The following TP53BP1 variants were observed in gnomAD, a reference collection of about 807,000 sequenced individuals.
TP53BP1 encodes the protein TP53-binding protein 1.
TP53BP1 carries 61 observed loss-of-function variants against 200.8 expected under a neutral mutation model. That is an observed-to-expected ratio of 0.30 (90% confidence interval 0.25 to 0.38). The LOEUF is 0.38. TP53BP1 is among the 10% of genes least tolerant of loss of function. The pLI, the probability that TP53BP1 is intolerant of heterozygous loss-of-function variation, is 1.00. For missense variants in TP53BP1, 2,144 were observed against 2,371.9 expected (o/e 0.90, Z 2.00); for synonymous variants, 822 against 844.3 (o/e 0.97, Z 0.46).
intron 4 of TP53BP1, among the ~76,000 whole-genome samples, chr15:43,484,895 C>T (rs1258663006): frequency 2.0e-5 from 3 of 152,018 alleles, no homozygotes; most frequent in African/African-American, 7.2e-5. Context: ...GGATCACAGG[C>T]GCACACTACC....
chr15:43,440,952 T>TGG (rs2045912913), intron 15 of TP53BP1, among the ~76,000 whole-genome samples: 1 of 152,148 alleles, frequency 6.6e-6, no homozygotes, highest in Non-Finnish European at 1.5e-5. Context: ...CTATTAGCGT[T>TGG]TTCAGGCTGG....
At chr15:43,428,542 G>A (rs1046670309) in intron 17 of TP53BP1, among the ~76,000 whole-genome samples, 4 of 152,078 alleles carry the variant, frequency 2.6e-5, no homozygotes, top group Admixed American at 6.5e-5. Context: ...GTTTACATTT[G>A]CAATAGCTCT....
chr15:43,455,910 A>G lies in TP53BP1; in HGVS notation c.2698T>C (p.Phe900Leu). Residue 900 changes from phenylalanine to leucine, a missense_variant, in exon 12 of 28, where the codon TTC becomes CTC. Around this residue, in one of 4 missense-constraint regions of TP53BP1, gnomAD observed 1,700 missense variants for 1,710.3 expected, o/e 0.99. Transcript: ENST00000382044. ...CACTCACCACTAGAACTTTCACAGA[A>G]GCTTTGTGAGGCATGGGCAGAGGGC... ...GKPSAHASQSFCESSSETPFH... is the reference protein window; with the variant it reads ...GKPSAHASQSLCESSSETPFH... The G allele has an allele frequency of 6.2e-7, 1 of 1,614,108 alleles. No homozygotes were observed. Among genetic ancestry groups the G allele is most frequent in the Non-Finnish European group, 8.5e-7 (1 of 1,180,012 alleles).
chr15:43,469,934 G>A lies in TP53BP1; in HGVS notation c.1313C>T (p.Ser438Leu), dbSNP rs912955314. The A allele has an allele frequency of 1.2e-6, 2 of 1,614,096 alleles. No homozygotes were observed. Among genetic ancestry groups the A allele is most frequent in the Middle Eastern group, 1.7e-4 (1 of 6,040 alleles). The stretch of plus-strand genomic sequence containing the variant: ...TGGTGTGCTCTGAGATATTGGTGTT[G>A]AGGCTTGTGGTGATACAGTGGACTC... ...LPESTVSPQA[S>L]TPISQSTPVF... Residue 438 changes from serine (S) to leucine (L), a missense_variant, in exon 11 of 28, where the codon TCA (serine) becomes TTA (leucine). By Grantham distance (145) the Ser-to-Leu change is moderately radical. Around this residue, in one of 4 missense-constraint regions of TP53BP1, gnomAD observed 1,700 missense variants for 1,710.3 expected, o/e 0.99. Coordinates refer to ENST00000382044, the MANE Select transcript of TP53BP1 (RefSeq NM_001141980.3).
At chr15:43,408,810 A>T in intron 26 of TP53BP1, 87 bp downstream of exon 26, 2 of 1,335,530 alleles carry the variant, frequency 1.5e-6, no homozygotes, top group Non-Finnish European at 2.1e-6. Flanking sequence ...ATTTCTAGAA[A>T]GCTTTACTCT....
chr15:43,499,708 C>A (rs1051074255), intron 1 of TP53BP1, among the ~76,000 whole-genome samples: 3 of 152,112 alleles, frequency 2.0e-5, no homozygotes, highest in African/African-American at 7.2e-5. Context: ...GTCAGAAAAC[C>A]CATAAAACTG....
chr15:43,502,688 T>C (rs1251262278), intron 1 of TP53BP1, among the ~76,000 whole-genome samples: 3 of 151,702 alleles, frequency 2.0e-5, no homozygotes, highest in Admixed American at 6.6e-5. Context: ...CTCAATCTCC[T>C]GTCCTCATGA....
At chr15:43,481,673 G>A (rs971102285) in intron 4 of TP53BP1, among the ~76,000 whole-genome samples, 8 of 150,972 alleles carry the variant, frequency 5.3e-5, no homozygotes, top group African/African-American at 7.3e-5. Context: ...AAATTAGCTG[G>A]GTGTGGTGGC....
intron 11 of TP53BP1, among the ~76,000 whole-genome samples, chr15:43,468,437 C>G (rs1460257931): frequency 6.6e-6 from 1 of 151,128 alleles, no homozygotes; most frequent in Non-Finnish European, 1.5e-5. Flanking sequence ...GTTCCAGCTA[C>G]TTGGGATGCT....
At chr15:43,442,276 C>T (rs1219856103) in intron 14 of TP53BP1, among the ~76,000 whole-genome samples, 7 of 151,700 alleles carry the variant, frequency 4.6e-5, no homozygotes, top group African/African-American at 1.5e-4. Flanking sequence ...TTAGTCGAGA[C>T]GGGGTTTCAC....
chr15:43,435,386 T>C (rs1004069316), intron 16 of TP53BP1, among the ~76,000 whole-genome samples: 1 of 151,438 alleles, frequency 6.6e-6, no homozygotes, highest in Admixed American at 6.6e-5. Context: ...GCATCTAGAA[T>C]CAAATCCAGC....
intron 1 of TP53BP1, among the ~76,000 whole-genome samples, chr15:43,500,902 A>T (rs2079206255): frequency 6.6e-6 from 1 of 152,058 alleles, no homozygotes. Context: ...CAGGCCAGGC[A>T]TGGTGGCTTA....
intron 15 of TP53BP1, among the ~76,000 whole-genome samples, chr15:43,439,145 C>G (rs982597124): frequency 1.3e-5 from 2 of 152,192 alleles, no homozygotes; most frequent in Non-Finnish European, 2.9e-5. Context: ...ACTACTCTCT[C>G]TACTTTCGTA....
At chr15:43,436,535 C>T (rs1479428268) in intron 16 of TP53BP1, among the ~76,000 whole-genome samples, 3 of 151,966 alleles carry the variant, frequency 2.0e-5, no homozygotes, top group African/African-American at 4.8e-5. Context: ...AGTGCAGTGG[C>T]GAGACCACAG....
At chr15:43,473,936 C>G (rs2046788207) in intron 10 of TP53BP1, among the ~76,000 whole-genome samples, 2 of 152,350 alleles carry the variant, frequency 1.3e-5, no homozygotes, top group East Asian at 3.9e-4. Flanking sequence ...CAGTGCTCAT[C>G]AGGGAGGCTC....
chr15:43,492,016 T>A lies in TP53BP1; in HGVS notation c.272A>T (p.Glu91Val), dbSNP rs1374309197. Residue 91 changes from glutamate to valine, a missense_variant, in exon 3 of 28, where the codon GAA becomes GTA. By Grantham distance (121) the Glu-to-Val change is moderately radical (BLOSUM62 -2). Coordinates refer to ENST00000382044, the MANE Select transcript of TP53BP1 (RefSeq NM_001141980.3). ...AAACACCTCACCTGCAACCTTGTTT[T>A]CTTTCAAATGTTCATTGAACCCACT... ...GNSGFNEHLK[E>V]NKVADPVDSS... 2 of 1,613,766 alleles carry A rather than the reference T, an allele frequency of 1.2e-6. No individual in the cohort carries two copies. The highest frequency in any genetic ancestry group is 1.7e-6 in the Non-Finnish European group (2 of 1,179,758).
intron 16 of TP53BP1, among the ~76,000 whole-genome samples, 172 bp downstream of exon 16, chr15:43,438,152 C>T (rs1267826495): frequency 2.0e-5 from 3 of 152,210 alleles, no homozygotes; most frequent in Non-Finnish European, 4.4e-5. Flanking sequence ...GTGTGGTCAA[C>T]TTCTGTAGCT....
chr15:43,441,353 T>TA, intron 15 of TP53BP1, 173 bp downstream of exon 15: 1 of 514,450 alleles, frequency 1.9e-6, no homozygotes, highest in Non-Finnish European at 3.5e-6. Flanking sequence ...TCACTGAACT[T>TA]AAAAAAGTAT....
intron 13 of TP53BP1, chr15:43,447,151 T>C (rs908057993): frequency 5.4e-6 from 3 of 555,906 alleles, no homozygotes; most frequent in Non-Finnish European, 9.5e-6. Flanking sequence ...ATTCTCTTTC[T>C]TTCTTACTTC....
Sources: allele counts gnomAD v4.1 joint callset (sites outside exome capture counted in the v4.1 genomes callset), GRCh38; gene constraint gnomAD v4.1.1; regional missense constraint gnomAD v4.1.1; transcripts MANE v1.5; gene names NCBI Gene and HGNC (gene_info 2026-07-23, HGNC 2026-07-21).